Variants in OPCML observed in about 807,000 individuals in gnomAD.
OPCML encodes the protein opioid binding protein/cell adhesion molecule like.
Under a neutral mutation model 37.8 loss-of-function variants are expected in OPCML, and 13 were observed. That is an observed-to-expected ratio of 0.34 (90% CI 0.22 to 0.55). OPCML has a LOEUF of 0.55. Ranked by LOEUF, OPCML falls within the 20% of genes least tolerant of loss-of-function variation. The pLI is 0.91. For missense variants in OPCML, 341 were observed against 435.6 expected, an observed-to-expected ratio of 0.78 and a Z score of 1.93; for synonymous variants, 176 against 168.8, an observed-to-expected ratio of 1.04 and a Z score of -0.33.
chr11:132,452,297 G>A (rs1447609513), intron 4 of OPCML, among the ~76,000 whole-genome samples: 1 of 152,034 alleles, frequency 6.6e-6, no homozygotes, highest in African/African-American at 2.4e-5. Context: ...CACGGAGGTG[G>A]GTGGGCACCA....
chr11:133,447,651 T>C (rs969508240), intron 1 of OPCML, among the ~76,000 whole-genome samples: 3 of 152,246 alleles, frequency 2.0e-5, no homozygotes, highest in African/African-American at 7.2e-5. Flanking sequence ...ACTGATTCAC[T>C]TAGGTTAATG....
At chr11:133,109,348 T>G (rs1481080074) in intron 1 of OPCML, among the ~76,000 whole-genome samples, 1 of 152,176 alleles carries the variant, frequency 6.6e-6, no homozygotes, top group African/African-American at 2.4e-5. Flanking sequence ...TTACCGCTGC[T>G]GGCTGGGGGT....
At chr11:132,727,103 T>A (rs1379543942) in intron 2 of OPCML, among the ~76,000 whole-genome samples, 1 of 152,160 alleles carries the variant, frequency 6.6e-6, no homozygotes, top group Non-Finnish European at 1.5e-5. Flanking sequence ...CCAGACACTG[T>A]CATGAGCACT....
chr11:132,823,494 C>T (rs1009960869), intron 2 of OPCML, among the ~76,000 whole-genome samples: 2 of 151,962 alleles, frequency 1.3e-5, no homozygotes, highest in South Asian at 4.2e-4. Context: ...CTGTGGCCAT[C>T]GCCTGTCTTT....
intron 1 of OPCML, among the ~76,000 whole-genome samples, chr11:133,140,949 CGAAGAAGAAGAAGAAGAA>C (rs1301893070): frequency 1.0e-3 from 3 of 2,922 alleles, no homozygotes; most frequent in African/African-American, 2.2e-3. Context: ...AAGAAGACGA[CGAAGAAGAAGAAGAAGAA>C]GAAGAAGAAG....
chr11:132,575,710 C>T (rs1281564619), intron 3 of OPCML, among the ~76,000 whole-genome samples: 1 of 151,874 alleles, frequency 6.6e-6, no homozygotes, highest in South Asian at 2.1e-4. Flanking sequence ...TACATACTTA[C>T]CTTTACCAAT....
intron 2 of OPCML, among the ~76,000 whole-genome samples, chr11:132,889,927 G>A (rs772192632): frequency 2.0e-5 from 3 of 152,170 alleles, no homozygotes; most frequent in Non-Finnish European, 4.4e-5. Flanking sequence ...CATAGACACC[G>A]TTCAATATGC....
chr11:133,238,668 G>A (rs965872824), intron 1 of OPCML, among the ~76,000 whole-genome samples: 8 of 152,048 alleles, frequency 5.3e-5, no homozygotes, highest in Non-Finnish European at 8.8e-5. Flanking sequence ...CTGAAGTCTC[G>A]GAGTCATAAA....
At chr11:132,437,124 C>G in intron 5 of OPCML, 98 bp downstream of exon 5, 2 of 1,527,004 alleles carry the variant, frequency 1.3e-6, no homozygotes, top group South Asian at 2.5e-5. Context: ...TTGGCAGGAA[C>G]CTGGGTCCTT....
intron 1 of OPCML, among the ~76,000 whole-genome samples, chr11:133,247,791 C>T (rs763793642): frequency 6.6e-5 from 10 of 151,864 alleles, no homozygotes; most frequent in East Asian, 3.9e-4. Flanking sequence ...TTAGTAGAGA[C>T]GGGGTTTCAC....
chr11:133,101,532 C>T (rs1949085030), intron 1 of OPCML, among the ~76,000 whole-genome samples: 3 of 152,124 alleles, frequency 2.0e-5, no homozygotes, highest in Admixed American at 6.5e-5. Flanking sequence ...TACTTACCTA[C>T]TAGAATGACA....
intron 1 of OPCML, among the ~76,000 whole-genome samples, chr11:133,433,251 C>CAAAAAAAA (rs71477795): frequency 4.4e-5 from 4 of 90,726 alleles, no homozygotes; most frequent in African/African-American, 1.8e-4. Flanking sequence ...GACTCCGTCT[C>CAAAAAAAA]AAAAAAAAAA....
At chr11:133,381,953 A>T (rs573340825) in intron 1 of OPCML, among the ~76,000 whole-genome samples, 1 of 152,184 alleles carries the variant, frequency 6.6e-6, no homozygotes, top group Non-Finnish European at 1.5e-5. Context: ...ATGGGAGCCC[A>T]CCTTCCAGCT....
chr11:132,494,234 T>C (rs1220538446), intron 4 of OPCML, among the ~76,000 whole-genome samples: 1 of 152,224 alleles, frequency 6.6e-6, no homozygotes, highest in Non-Finnish European at 1.5e-5. Flanking sequence ...TGTCTTCCCA[T>C]ACTGCTGTGA....
chr11:132,667,258 GA>G (rs1380330788), intron 2 of OPCML, among the ~76,000 whole-genome samples: 1 of 152,316 alleles, frequency 6.6e-6, no homozygotes, highest in East Asian at 1.9e-4. Flanking sequence ...AATATTTACT[GA>G]ATACCTATTG....
At chr11:133,136,276 G>A (rs990781011) in intron 1 of OPCML, among the ~76,000 whole-genome samples, 1 of 152,208 alleles carries the variant, frequency 6.6e-6, no homozygotes, top group African/African-American at 2.4e-5. Context: ...CAATGGAAGA[G>A]TGGGAATAAA....
At chr11:133,095,275 A>ATTTTT (rs1214349245) in intron 1 of OPCML, among the ~76,000 whole-genome samples, 1 of 97,730 alleles carries the variant, frequency 1.0e-5, no homozygotes, top group African/African-American at 5.1e-5. Context: ...TTTAATGTAA[A>ATTTTT]TGTTTTTTTT....
chr11:133,223,347 G>C (rs1314675549), intron 1 of OPCML, among the ~76,000 whole-genome samples: 1 of 152,254 alleles, frequency 6.6e-6, no homozygotes, highest in Non-Finnish European at 1.5e-5. Flanking sequence ...AAGAAGGACA[G>C]AGTATTCTTT....
chr11:132,441,252 C>A (rs1167839832), intron 4 of OPCML, among the ~76,000 whole-genome samples: 1 of 139,246 alleles, frequency 7.2e-6, no homozygotes. Context: ...ACTGCAAGCT[C>A]CGCCTCCCGG....
Sources: gnomAD v4.1 joint callset for allele counts (sites outside exome capture counted in the v4.1 genomes callset) on GRCh38, gnomAD v4.1.1 for gene constraint, MANE v1.5 for transcripts, NCBI Gene and HGNC (gene_info 2026-07-23, HGNC 2026-07-21) for gene names.